The following PSD3 variants were observed in gnomAD, a reference collection of about 807,000 sequenced individuals.
PSD3 encodes the protein PH and SEC7 domain-containing protein 3.
A neutral mutation model predicts 105.5 loss-of-function variants in PSD3; 49 were observed. The observed-to-expected ratio is 0.46, with a 90% CI of 0.37 to 0.59. The LOEUF (loss-of-function observed/expected upper bound fraction) is 0.59, where lower values mean the gene tolerates loss of function less well. Ranked by LOEUF, PSD3 falls within the 20% of genes least tolerant of loss-of-function variation. The probability of loss-of-function intolerance (pLI) is 0.00; values close to 1 mark genes in which losing one functional copy is unlikely to be tolerated. For missense variants in PSD3, 1,561 were observed against 1,263.8 expected (o/e 1.24, Z -3.57); for synonymous variants, 557 against 457.8 (o/e 1.22, Z -2.77).
intron 1 of PSD3, among the ~76,000 whole-genome samples, chr8:19,005,975 C>A (rs1226309165): frequency 2.0e-5 from 3 of 151,778 alleles, no homozygotes; most frequent in African/African-American, 7.3e-5. Flanking sequence ...CAATTTCACC[C>A]TCTGAAAATG....
At chr8:18,619,953 G>A (rs375167037) in intron 11 of PSD3, among the ~76,000 whole-genome samples, 9 of 152,178 alleles carry the variant, frequency 5.9e-5, no homozygotes, top group African/African-American at 2.2e-4. Context: ...TTTCCCAGAT[G>A]TAGGAGAGAT....
At chr8:19,063,081 C>T (rs1321005607) in intron 1 of PSD3, among the ~76,000 whole-genome samples, 7 of 152,208 alleles carry the variant, frequency 4.6e-5, no homozygotes, top group African/African-American at 1.7e-4. Flanking sequence ...AAAAACAGCA[C>T]TAGTTTCTAA....
At chr8:18,558,305 G>T (rs2130168285) in intron 14 of PSD3, among the ~76,000 whole-genome samples, 1 of 151,844 alleles carries the variant, frequency 6.6e-6, no homozygotes, top group East Asian at 1.9e-4. Flanking sequence ...TTTAGTGACT[G>T]GACCACTTCA....
intron 1 of PSD3, among the ~76,000 whole-genome samples, chr8:19,063,493 C>T (rs1197369704): frequency 6.6e-6 from 1 of 152,190 alleles, no homozygotes; most frequent in Non-Finnish European, 1.5e-5. Flanking sequence ...GACTGGCCCT[C>T]TGTTTTCCTT....
Position 18,804,891 on chromosome 8 carries a change from C to T in PSD3, c.1642G>A (p.Gly548Arg). The T allele has an allele frequency of 1.2e-6, 2 of 1,602,806 alleles. No homozygotes were observed. Among genetic ancestry groups the T allele is most frequent in the South Asian group, 2.2e-5 (2 of 89,524 alleles). Residue 548 changes from glycine (G) to arginine (R), a missense_variant, in exon 5 of 16, where the codon GGG becomes AGG. By Grantham distance (125) the Gly-to-Arg change is moderately radical (BLOSUM62 -2). Coordinates refer to ENST00000327040, the MANE Select transcript of PSD3 (RefSeq NM_015310.4). ...GCTTCTAGCCGTGTTGTTTTCACCC[C>T]AGCATTGCTATGATAATTGATAAAG... is the stretch of plus-strand genomic sequence containing the variant. ...PEIAFWGSNA[G>R]VKTTRLEAHS...
chr8:18,645,805 CTTCT>C (rs1347061775), intron 10 of PSD3, among the ~76,000 whole-genome samples: 4 of 152,014 alleles, frequency 2.6e-5, no homozygotes, highest in Non-Finnish European at 5.9e-5. Context: ...AGTTTTATTC[CTTCT>C]GTTTCTCCCA....
At chr8:18,935,196 A>G (rs1463134147) in intron 2 of PSD3, among the ~76,000 whole-genome samples, 1 of 152,240 alleles carries the variant, frequency 6.6e-6, no homozygotes, top group Non-Finnish European at 1.5e-5. Flanking sequence ...TTTGTTCTAA[A>G]TTTACCTGTT....
rs56410753 is a variant in PSD3 at position 18,727,551 on chromosome 8, A to AACACACACAC, written c.2172+37888_2172+37897dup. Among the ~76,000 whole-genome samples, 816 of 137,694 alleles carry AACACACACAC rather than the reference A, an allele frequency of 5.9e-3. 17 individuals carry two copies. The highest frequency in any genetic ancestry group is 0.02 in the African/African-American group (726 of 36,684). 90.3% of individuals were successfully genotyped at this position (137,694 alleles called of 152,430 possible). On this transcript the variant is annotated intron_variant, in intron 9 of 15. Transcript: ENST00000327040. ...AATAGCTAAATTAAAAAAAAATCCA[A>AACACACACAC]ACACACACACACACACACACACACA... is the stretch of plus-strand genomic sequence containing the variant.
intron 4 of PSD3, among the ~76,000 whole-genome samples, 159 bp from the exon 5 acceptor site, chr8:18,805,057 T>A (rs1209540382): frequency 6.6e-6 from 1 of 152,228 alleles, no homozygotes; most frequent in Non-Finnish European, 1.5e-5. Context: ...GTTACCATAT[T>A]TTAAAGAACT....
At chr8:18,916,447 T>C (rs1379003170) in intron 2 of PSD3, among the ~76,000 whole-genome samples, 1 of 149,942 alleles carries the variant, frequency 6.7e-6, no homozygotes, top group Admixed American at 6.7e-5. Flanking sequence ...CGGATAAACC[T>C]AGAGGACATT....
chr8:18,805,254 C>T (rs58325516), intron 4 of PSD3, among the ~76,000 whole-genome samples: 5,579 of 152,168 alleles, frequency 0.037, 361 homozygotes, highest in African/African-American at 0.13. Context: ...ATCTGTTTTA[C>T]ATAACAAATA....
chr8:18,703,166 A>G (rs1161462393), intron 9 of PSD3, among the ~76,000 whole-genome samples: 1 of 152,198 alleles, frequency 6.6e-6, no homozygotes, highest in African/African-American at 2.4e-5. Flanking sequence ...CAACACCACC[A>G]GCAGATGCCA....
intron 1 of PSD3, among the ~76,000 whole-genome samples, chr8:18,961,185 A>T (rs558090979): frequency 1.3e-5 from 2 of 152,224 alleles, no homozygotes; most frequent in Non-Finnish European, 2.9e-5. Flanking sequence ...ATTCAGTAAC[A>T]GAGAAATTTT....
chr8:18,887,556 G>A (rs1397297197), intron 2 of PSD3, among the ~76,000 whole-genome samples: 1 of 152,206 alleles, frequency 6.6e-6, no homozygotes, highest in Non-Finnish European at 1.5e-5. Flanking sequence ...GAAAAGTGAA[G>A]TGAGGTGGAA....
At chr8:18,661,645 T>C (rs1411278180) in intron 9 of PSD3, among the ~76,000 whole-genome samples, 1 of 152,110 alleles carries the variant, frequency 6.6e-6, no homozygotes, top group Non-Finnish European at 1.5e-5. Context: ...CCAGTGGAGG[T>C]CCTTACACCT....
rs1799477354 is a variant in PSD3 at position 18,527,637 on chromosome 8, A to C, written c.*8106T>G. On this transcript the variant is annotated 3_prime_UTR_variant, in exon 16 of 16. Transcript: ENST00000327040. The stretch of plus-strand genomic sequence containing the variant: ...CAACTATTTTAATAAAAAATAAAGC[A>C]ATTGTAAAATGTAAACTTAATTGTC... 1 of 152,690 alleles carries C rather than the reference A, an allele frequency of 6.5e-6. No individual in the cohort carries two copies. Among genetic ancestry groups the C allele is most frequent in the African/African-American group, 2.4e-5 (1 of 41,462 alleles). The allele number at this position is 152,690 out of a possible 1,614,324, so 9.5% of individuals were successfully genotyped here. A position where few individuals can be genotyped will look rare whatever the true frequency, so the allele number is the denominator to read the frequency against.
Position 18,534,366 on chromosome 8 carries a change from T to C in PSD3, c.*1377A>G, listed in dbSNP as rs1239127844. The C allele has an allele frequency of 3.3e-5, 5 of 152,612 alleles. No individual in the cohort carries two copies. The highest frequency in any genetic ancestry group is 1.2e-4 in the African/African-American group (5 of 41,440). The allele number at this position is 152,612 out of a possible 1,614,324, so 9.5% of individuals were successfully genotyped here. A position where few individuals can be genotyped will look rare whatever the true frequency, so the allele number is the denominator to read the frequency against. Reference sequence around the variant, plus strand: ...CTCAGTGGGCTAAACTTTCACTCCTTTCTCTTCCTCTACAGAAGAATATTC... The same window carrying C: ...CTCAGTGGGCTAAACTTTCACTCCTCTCTCTTCCTCTACAGAAGAATATTC... On this transcript the variant is annotated 3_prime_UTR_variant, in exon 16 of 16. Transcript: ENST00000327040.
chr8:19,050,718 G>C (rs1187150203), intron 1 of PSD3, among the ~76,000 whole-genome samples: 1 of 152,160 alleles, frequency 6.6e-6, no homozygotes, highest in Non-Finnish European at 1.5e-5. Flanking sequence ...GATAGCATTA[G>C]GAGATATACC....
chr8:18,703,924 G>A (rs891553493), intron 9 of PSD3, among the ~76,000 whole-genome samples: 2 of 151,972 alleles, frequency 1.3e-5, no homozygotes, highest in African/African-American at 4.8e-5. Flanking sequence ...CAGCATCACT[G>A]ATTTGGTCCT....
Sources: gnomAD v4.1 joint callset for allele counts (sites outside exome capture counted in the v4.1 genomes callset) on GRCh38, gnomAD v4.1.1 for gene constraint, MANE v1.5 for transcripts, NCBI Gene and HGNC (gene_info 2026-07-23, HGNC 2026-07-21) for gene names.